PAN3: variants seen among roughly 807,000 people sequenced by gnomAD.
The protein encoded by PAN3 is poly(A) specific ribonuclease subunit PAN3, also known as PAN2-PAN3 deadenylation complex subunit PAN3.
A neutral mutation model predicts 96.2 loss-of-function variants in PAN3; 19 were observed. That is an observed-to-expected ratio of 0.20 (90% confidence interval 0.14 to 0.29). PAN3 has a LOEUF of 0.29. Among genes scored for constraint, PAN3 ranks in the 10% least tolerant of loss-of-function variants. PAN3 has a pLI of 1.00. For missense variants in PAN3, 882 were observed against 1,108.1 expected, an observed-to-expected ratio of 0.80 and a Z score of 2.90; for synonymous variants, 433 against 406.6, an observed-to-expected ratio of 1.06 and a Z score of -0.78.
chr13:28,256,926 A>C (rs1273263537), intron 7 of PAN3, among the ~76,000 whole-genome samples: 1 of 152,198 alleles, frequency 6.6e-6, no homozygotes, highest in Non-Finnish European at 1.5e-5. Flanking sequence ...CTCAGTAGTT[A>C]CTGGAAGCAA....
chr13:28,207,918 C>T (rs1566187655), intron 5 of PAN3, among the ~76,000 whole-genome samples: 1 of 152,134 alleles, frequency 6.6e-6, no homozygotes, highest in Non-Finnish European at 1.5e-5. Context: ...TGTCTTTCTT[C>T]CTCACAGCGC....
chr13:28,144,203 G>GTTTTTTTTTTTT (rs1447465484), intron 1 of PAN3, among the ~76,000 whole-genome samples: 1 of 128,980 alleles, frequency 7.8e-6, no homozygotes, highest in African/African-American at 3.0e-5. Context: ...GTTTCGATAA[G>GTTTTTTTTTTTT]TTTTTTTGTT....
chr13:28,152,151 A>G (rs1207142281), intron 1 of PAN3, among the ~76,000 whole-genome samples: 3 of 152,202 alleles, frequency 2.0e-5, no homozygotes, highest in South Asian at 4.1e-4. Flanking sequence ...ACACTATCCC[A>G]TCACATTTAA....
intron 6 of PAN3, among the ~76,000 whole-genome samples, chr13:28,249,199 T>C (rs531067750): frequency 1.3e-5 from 2 of 152,350 alleles, no homozygotes; most frequent in South Asian, 4.1e-4. Flanking sequence ...GCAATACTTG[T>C]CTTAGCATAA....
intron 14 of PAN3, among the ~76,000 whole-genome samples, chr13:28,272,858 T>A (rs1025253725): frequency 1.3e-5 from 2 of 152,096 alleles, no homozygotes; most frequent in Admixed American, 6.6e-5. Flanking sequence ...CATGAGCCAC[T>A]GTGCCCGGCC....
At chr13:28,266,575 TAAATGTTTACACTATTCTAAAATA>T (rs932623142) in intron 9 of PAN3, 116 bp from the exon 10 acceptor site, 2 of 564,222 alleles carry the variant, frequency 3.5e-6, no homozygotes, top group African/African-American at 3.8e-5. Flanking sequence ...GGAATTGTAA[TAAATGTTTACACTATTCTAAAATA>T]CAAGAGCACA....
At chr13:28,179,353 T>A (rs1875463677) in intron 4 of PAN3, among the ~76,000 whole-genome samples, 1 of 152,230 alleles carries the variant, frequency 6.6e-6, no homozygotes, top group African/African-American at 2.4e-5. Flanking sequence ...TGGAGCTTTT[T>A]ATGGGAAAAC....
rs560546059 is a variant in PAN3, at chr13:28,178,069, T to G, written c.690+134T>G. ...GGGCTTTAGTGTTTTTCCTGCCTTTTGTTTATCCTTTTTCTTTATCTTTTT... is the reference window on the plus strand; with the variant it reads ...GGGCTTTAGTGTTTTTCCTGCCTTTGGTTTATCCTTTTTCTTTATCTTTTT... On this transcript the variant is annotated intron_variant, in intron 4 of 18. Coordinates refer to ENST00000380958, the MANE Select transcript of PAN3 (RefSeq NM_175854.8). 15 of 706,340 alleles carry G rather than the reference T, an allele frequency of 2.1e-5. No individual in the cohort carries two copies. In the South Asian group the frequency reaches 2.4e-4, roughly 11 times the overall value. The allele number at this position is 706,340 out of a possible 1,614,324, so 43.8% of individuals were successfully genotyped here. A position where few individuals can be genotyped will look rare whatever the true frequency, so the allele number is the denominator to read the frequency against.
intron 9 of PAN3, among the ~76,000 whole-genome samples, chr13:28,262,282 C>T (rs1004047623): frequency 1.3e-5 from 2 of 152,026 alleles, no homozygotes; most frequent in Non-Finnish European, 2.9e-5. Context: ...TTTCTTAAAG[C>T]GTATTAAAGT....
chr13:28,199,333 T>A (rs181180463), intron 5 of PAN3, among the ~76,000 whole-genome samples: 4 of 152,234 alleles, frequency 2.6e-5, no homozygotes, highest in East Asian at 1.9e-4. Flanking sequence ...CTTTTTTTTT[T>A]AGAATAGCTT....
chr13:28,147,785 T>C (rs925841064), intron 1 of PAN3, among the ~76,000 whole-genome samples: 3 of 152,208 alleles, frequency 2.0e-5, no homozygotes, highest in South Asian at 4.1e-4. Context: ...ATTGTCTAAG[T>C]AAGGGTATGC....
chr13:28,268,767 C>T (rs1401849131), intron 12 of PAN3, among the ~76,000 whole-genome samples: 1 of 152,046 alleles, frequency 6.6e-6, no homozygotes, highest in Non-Finnish European at 1.5e-5. Flanking sequence ...CCTTTCAAGA[C>T]TCTAATTATA....
chr13:28,200,621 C>A (rs370282635), intron 5 of PAN3, among the ~76,000 whole-genome samples: 1 of 152,166 alleles, frequency 6.6e-6, no homozygotes, highest in East Asian at 1.9e-4. Context: ...TACGAAGGAG[C>A]CTGTCTGCCA....
In PAN3 at chr13:28,270,819, A is replaced by G. The variant is rs932070959; in HGVS notation, c.1911A>G (p.Ala637=). ...ALRTIHTAGL[A]CRVMDPTKIL... is the part of the protein sequence containing the mutation. ...GTACCATTCATACAGCAGGTTTGGCATGTCGAGTTATGGATCCAACAAAGA... is the reference window on the plus strand; with the variant it reads ...GTACCATTCATACAGCAGGTTTGGCGTGTCGAGTTATGGATCCAACAAAGA... Residue 637 remains alanine, a synonymous_variant, in exon 13 of 19, where the codon GCA becomes GCG. Transcript: ENST00000380958. 8.1e-6 allele frequency: 13 copies of G among 1,613,852 alleles called. No homozygotes were observed. The highest frequency in any genetic ancestry group is 1.1e-5 in the Non-Finnish European group (13 of 1,179,866).
chr13:28,230,909 T>C (rs1026516068), intron 6 of PAN3, among the ~76,000 whole-genome samples: 4 of 152,214 alleles, frequency 2.6e-5, no homozygotes, highest in African/African-American at 7.2e-5. Context: ...AAAACAGTTA[T>C]ATTTAGTAGC....
intron 17 of PAN3, among the ~76,000 whole-genome samples, chr13:28,285,304 C>T (rs964504193): frequency 1.3e-5 from 2 of 152,150 alleles, no homozygotes; most frequent in African/African-American, 2.4e-5. Flanking sequence ...GTTGTGTTAG[C>T]GGGTACTTTC....
chr13:28,271,339 A>G (rs977751071), intron 13 of PAN3, among the ~76,000 whole-genome samples: 1 of 152,170 alleles, frequency 6.6e-6, no homozygotes, highest in Admixed American at 6.5e-5. Context: ...CAACTGGTAC[A>G]GTTATCAGTC....
chr13:28,169,160 A>T (rs1873958677), intron 1 of PAN3, among the ~76,000 whole-genome samples: 1 of 151,694 alleles, frequency 6.6e-6, no homozygotes, highest in African/African-American at 2.4e-5. Context: ...CACATATCTT[A>T]CACTTAAGTA....
intron 1 of PAN3, among the ~76,000 whole-genome samples, chr13:28,157,337 G>A (rs1380067298): frequency 6.6e-6 from 1 of 152,050 alleles, no homozygotes; most frequent in Non-Finnish European, 1.5e-5. Flanking sequence ...ACTGCTATTC[G>A]ACATAGTACT....
Sources: allele counts gnomAD v4.1 joint callset (sites outside exome capture counted in the v4.1 genomes callset), GRCh38; gene constraint gnomAD v4.1.1; transcripts MANE v1.5; gene names NCBI Gene and HGNC (gene_info 2026-07-23, HGNC 2026-07-21).